Variants in TPTE observed in about 807,000 individuals in gnomAD.
The protein encoded by TPTE is putative tyrosine-protein phosphatase TPTE.
In TPTE, 59 loss-of-function variants were observed where a neutral mutation model predicts 84.1. The ratio of observed to expected loss-of-function variants is 0.70; its 90% CI spans 0.57 to 0.87. The LOEUF (loss-of-function observed/expected upper bound fraction) is 0.87. Among genes scored for constraint, TPTE ranks in the 40% least tolerant of loss-of-function variants. TPTE has a pLI of 0.00. For synonymous variants in TPTE, 130 were observed against 223.5 expected (o/e 0.58, Z 3.73); for missense variants, 382 against 659.6 (o/e 0.58, Z 4.61).
intron 20 of TPTE, among the ~76,000 whole-genome samples, chr21:10,597,180 CA>C (rs2075603734): frequency 6.6e-6 from 1 of 152,298 alleles, no homozygotes; most frequent in Non-Finnish European, 1.5e-5. Context: ...AAAAAAGGAA[CA>C]AAAAAGCCTT....
chr21:10,585,044 C>T (rs2075337997), intron 17 of TPTE, among the ~76,000 whole-genome samples: 1 of 152,312 alleles, frequency 6.6e-6, no homozygotes, highest in Non-Finnish European at 1.5e-5. Flanking sequence ...CCAGCCTAGG[C>T]AACATGGTGA....
At position 10,570,403 on chromosome 21, in the gene TPTE, C is replaced by G. The variant is rs543667050; in HGVS notation, c.731-82C>G. On this transcript the variant is annotated intron_variant, in intron 13 of 23. Coordinates refer to ENST00000618007, the MANE Select transcript of TPTE (RefSeq NM_199261.4). ...GGTTTTTTTTCTGTGAAAATGGAAT[C>G]TGATCATGTATAAATTAATTTTTTT... 162 of 1,602,148 alleles carry G rather than the reference C, an allele frequency of 1.0e-4. No homozygotes were observed. In the African/African-American group the frequency reaches 1.9e-3, roughly 19 times the overall value.
At chr21:10,570,196 A>G (rs1222522243) in intron 13 of TPTE, among the ~76,000 whole-genome samples, 1 of 152,426 alleles carries the variant, frequency 6.6e-6, no homozygotes, top group African/African-American at 2.4e-5. Context: ...TTAAGATAAG[A>G]AATAAATTCT....
intron 19 of TPTE, among the ~76,000 whole-genome samples, chr21:10,594,704 A>T (rs1412816408): frequency 6.6e-6 from 1 of 152,312 alleles, no homozygotes; most frequent in Non-Finnish European, 1.5e-5. Context: ...AGTTTCCCTA[A>T]CTGTAGTCCA....
chr21:10,557,452 G>T (rs1227559631), intron 8 of TPTE, among the ~76,000 whole-genome samples: 2 of 152,308 alleles, frequency 1.3e-5, no homozygotes, highest in African/African-American at 4.8e-5. Context: ...TAATCTGTCA[G>T]ACTTGGTTCT....
intron 7 of TPTE, among the ~76,000 whole-genome samples, chr21:10,548,103 A>C (rs1442474981): frequency 1.2e-4 from 19 of 152,292 alleles, no homozygotes; most frequent in African/African-American, 4.6e-4. Context: ...GGCTGCCCCC[A>C]GCAGGCACAC....
At chr21:10,589,184 G>C (rs569003374) in intron 17 of TPTE, among the ~76,000 whole-genome samples, 1 of 152,412 alleles carries the variant, frequency 6.6e-6, no homozygotes, top group African/African-American at 2.4e-5. Context: ...TAATATTATT[G>C]TTATTTTTTT....
chr21:10,546,177 T>C (rs1408933531), intron 7 of TPTE, among the ~76,000 whole-genome samples: 1 of 152,310 alleles, frequency 6.6e-6, no homozygotes, highest in Non-Finnish European at 1.5e-5. Context: ...TTAATAATTC[T>C]TGCAGTATTC....
chr21:10,542,591 T>TC (rs1357826229), intron 6 of TPTE, 143 bp downstream of exon 6: 20 of 1,128,010 alleles, frequency 1.8e-5, no homozygotes, highest in Middle Eastern at 2.3e-4. Context: ...ATCCATCCAT[T>TC]CATCCATCCA....
At chr21:10,564,122 CCA>C (rs2074865228) in intron 10 of TPTE, among the ~76,000 whole-genome samples, 2 of 152,306 alleles carry the variant, frequency 1.3e-5, no homozygotes, top group East Asian at 3.8e-4. Context: ...CCACTGCACT[CCA>C]GTCTGGTGAC....
intron 5 of TPTE, among the ~76,000 whole-genome samples, 194 bp from the exon 6 acceptor site, chr21:10,542,201 A>G (rs2074381480): frequency 1.3e-5 from 2 of 152,310 alleles, no homozygotes; most frequent in African/African-American, 4.8e-5. Context: ...TCCCCCGCCT[A>G]AGATTTTGGT....
chr21:10,535,720 C>CA (rs2074255029), intron 3 of TPTE, among the ~76,000 whole-genome samples: 1 of 152,306 alleles, frequency 6.6e-6, no homozygotes, highest in African/African-American at 2.4e-5. Flanking sequence ...AAGCACTCAG[C>CA]AAAAAGAACA....
At chr21:10,556,985 C>G (rs1295204347) in intron 8 of TPTE, among the ~76,000 whole-genome samples, 1 of 152,310 alleles carries the variant, frequency 6.6e-6, no homozygotes, top group Non-Finnish European at 1.5e-5. Flanking sequence ...TTCTCCCATT[C>G]CGTAGGTTGC....
chr21:10,603,556 T>C lies in TPTE; in HGVS notation c.1450-6T>C, dbSNP rs779792324. On this transcript the variant is annotated splice_region_variant and splice_polypyrimidine_tract_variant and intron_variant, in intron 22 of 23. Coordinates refer to ENST00000618007, the MANE Select transcript of TPTE (RefSeq NM_199261.4). ...GTTTTACTTTGAAATTTTTTTTTCT[T>C]TTTAGAATCTTCCTACATACTATGA... The C allele has an allele frequency of 6.2e-7, 1 of 1,609,610 alleles. No individual in the cohort carries two copies. Among genetic ancestry groups the C allele is most frequent in the Admixed American group, 1.7e-5 (1 of 59,636 alleles).
intron 14 of TPTE, among the ~76,000 whole-genome samples, chr21:10,573,260 A>G (rs375586931): frequency 6.6e-5 from 10 of 152,296 alleles, no homozygotes; most frequent in Non-Finnish European, 1.2e-4. Flanking sequence ...AGGTCATTTT[A>G]TAATAATAAA....
Position 10,598,062 on chromosome 21 carries a change from G to A in TPTE, c.1324G>A (p.Val442Ile). 6.2e-7 allele frequency: 1 copy of A among 1,613,832 alleles called. No individual in the cohort carries two copies. The highest frequency in any genetic ancestry group is 8.5e-7 in the Non-Finnish European group (1 of 1,179,746). Residue 442 changes from valine to isoleucine, a missense_variant, in exon 21 of 24, where the codon GTC (valine) becomes ATC (isoleucine). Physicochemically the swap from Val to Ile is conservative, Grantham distance 29. This residue lies in a region of TPTE where 36 missense variants were observed against 36.3 expected (regional missense o/e 0.99). Coordinates refer to ENST00000618007, the MANE Select transcript of TPTE (RefSeq NM_199261.4). Reference protein sequence around the residue: ...KIQIEMEKKVVFSTISLGKCS... With the variant: ...KIQIEMEKKVIFSTISLGKCS... ...CCAAATAGAAATGGAGAAAAAGGTT[G>A]TCTTTTCCACTATTTCATTAGGAAA...
intron 10 of TPTE, among the ~76,000 whole-genome samples, chr21:10,564,161 ATAAAAT>A (rs1472170429): frequency 3.3e-5 from 5 of 152,272 alleles, no homozygotes; most frequent in African/African-American, 1.2e-4. Context: ...TCAAAAATAA[ATAAAAT>A]AAAAAAACCC....
intron 8 of TPTE, among the ~76,000 whole-genome samples, chr21:10,554,175 C>T (rs1286792813): frequency 6.6e-6 from 1 of 152,300 alleles, no homozygotes; most frequent in Non-Finnish European, 1.5e-5. Flanking sequence ...GCACTTACAA[C>T]ATTATTTGTA....
chr21:10,523,264 C>T (rs1490405774), intron 1 of TPTE, among the ~76,000 whole-genome samples: 4 of 152,310 alleles, frequency 2.6e-5, no homozygotes, highest in East Asian at 1.9e-4. Flanking sequence ...TGCCCTTCTC[C>T]CTCATCTTTA....
Sources: gnomAD v4.1 joint callset for allele counts (sites outside exome capture counted in the v4.1 genomes callset) on GRCh38, gnomAD v4.1.1 for gene constraint, gnomAD v4.1.1 regional missense constraint, MANE v1.5 for transcripts, NCBI Gene and HGNC (gene_info 2026-07-23, HGNC 2026-07-21) for gene names.